The following ENKUR variants were observed in gnomAD, a reference collection of about 807,000 sequenced individuals.
ENKUR encodes enkurin.
ENKUR carries 19 observed loss-of-function variants against 27.6 expected under a neutral mutation model. The observed-to-expected ratio is 0.69, with a 90% CI of 0.48 to 1.01. The LOEUF is 1.01. ENKUR is among the 50% of genes least tolerant of loss of function. ENKUR has a pLI of 0.00. For synonymous variants in ENKUR, 117 were observed against 96.9 expected, an observed-to-expected ratio of 1.21 and a Z score of -1.22; for missense variants, 312 against 310.5, an observed-to-expected ratio of 1.00 and a Z score of -0.04.
chr10:25,020,250 C>CTA (rs1554772141), upstream of ENKUR, among the ~76,000 whole-genome samples: 7 of 133,756 alleles, frequency 5.2e-5, no homozygotes, highest in South Asian at 2.7e-4. Flanking sequence ...ATATCTATAT[C>CTA]TATATCTATA....
At chr10:25,032,595 G>A (rs1324432447) in intron 2 of ENKUR, among the ~76,000 whole-genome samples, 74 of 152,062 alleles carry the variant, frequency 4.9e-4, no homozygotes, top group Non-Finnish European at 1.6e-4. Context: ...CCCACCTCCT[G>A]GTTCAGAAGT....
intron 2 of ENKUR, among the ~76,000 whole-genome samples, chr10:25,054,289 G>A (rs1426246755): frequency 6.6e-6 from 1 of 152,178 alleles, no homozygotes; most frequent in African/African-American, 2.4e-5. Context: ...GGGCGTGGTG[G>A]TGGATGCCTG....
At chr10:25,042,847 C>CAA (rs71399947) in intron 2 of ENKUR, among the ~76,000 whole-genome samples, 58 of 138,214 alleles carry the variant, frequency 4.2e-4, no homozygotes, top group South Asian at 4.1e-3. Flanking sequence ...GAGACTGTCT[C>CAA]AAAAAAAAAA....
intron 3 of ENKUR, among the ~76,000 whole-genome samples, chr10:24,990,868 G>A (rs990258246): frequency 7.0e-6 from 1 of 143,578 alleles, no homozygotes; most frequent in South Asian, 2.1e-4. Flanking sequence ...CTGAGGGGTG[G>A]GGGGGTGGAT....
intron 1 of ENKUR, among the ~76,000 whole-genome samples, chr10:24,999,925 A>C (rs2132696559): frequency 6.6e-6 from 1 of 152,246 alleles, no homozygotes; most frequent in Admixed American, 6.5e-5. Flanking sequence ...CCAGAATTTC[A>C]TTGATTTTCT....
chr10:24,999,521 C>T lies in ENKUR; in HGVS notation c.103G>A (p.Val35Ile). 6.2e-7 allele frequency: 1 copy of T among 1,610,196 alleles called. No homozygotes were observed. The highest frequency in any genetic ancestry group is 8.5e-7 in the Non-Finnish European group (1 of 1,178,874). The change falls in exon 2 of 6, where the codon GTA (valine) becomes ATA (isoleucine). Residue 35 changes from valine (V) to isoleucine (I), a missense_variant. Val to Ile is a conservative substitution (Grantham distance 29). Transcript: ENST00000331161. ...TTAGCTTTTTGCATGTCATCTTTTA[C>T]AGTTGCCTTAAAAATGGATATGTAC... ...PRYISIFKAT[V>I]KDDMQKAKTA... is the part of the protein sequence containing the mutation.
In ENKUR at chr10:24,984,280, G is replaced by T; in HGVS notation, c.*90C>A. 1 of 1,387,898 alleles carries T rather than the reference G, an allele frequency of 7.2e-7. No homozygotes were observed. Among genetic ancestry groups the T allele is most frequent in the Non-Finnish European group, 9.9e-7 (1 of 1,013,252 alleles). 86.0% of individuals were successfully genotyped at this position (1,387,898 alleles called of 1,614,324 possible). On this transcript the variant is annotated 3_prime_UTR_variant, in exon 6 of 6. Transcript: ENST00000331161. Reference sequence around the variant, plus strand: ...TGCATTTGTGGAGCTCAGAAACAATGTGTTGGAGACAGTTTAGAGTAGCAA... The same window carrying T: ...TGCATTTGTGGAGCTCAGAAACAATTTGTTGGAGACAGTTTAGAGTAGCAA...
chr10:25,047,615 T>G lies in ENKUR; in HGVS notation c.37+13497A>C, dbSNP rs566051461. On this transcript the variant is annotated intron_variant, in intron 2 of 5. Transcript: ENST00000615958. ...CAAAGCACAAGTCTAGGTAATAGTTTTATGAATAAGGTAGACTTGCCTGTT... is the reference window on the plus strand; with the variant it reads ...CAAAGCACAAGTCTAGGTAATAGTTGTATGAATAAGGTAGACTTGCCTGTT... Among the ~76,000 whole-genome samples the G allele has an allele frequency of 5.9e-5, 9 of 152,308 alleles. No homozygotes were observed. The East Asian group carries it at 1.7e-3, about 29-fold the overall frequency.
At chr10:25,044,291 G>A (rs1398858058) in intron 2 of ENKUR, among the ~76,000 whole-genome samples, 2 of 152,152 alleles carry the variant, frequency 1.3e-5, no homozygotes, top group African/African-American at 2.4e-5. Flanking sequence ...CTTTATTAGG[G>A]TAGGTATATT....
intron 1 of ENKUR, among the ~76,000 whole-genome samples, chr10:25,007,204 T>C (rs1169952905): frequency 6.6e-6 from 1 of 152,150 alleles, no homozygotes; most frequent in African/African-American, 2.4e-5. Context: ...AATATATTGT[T>C]AGTATTGCTT....
At chr10:25,033,800 T>G (rs1471070169) in intron 2 of ENKUR, among the ~76,000 whole-genome samples, 1 of 150,016 alleles carries the variant, frequency 6.7e-6, no homozygotes, top group East Asian at 1.9e-4. Context: ...GTGTTTAGTA[T>G]GTATGTATGT....
intron 3 of ENKUR, 70 bp downstream of exon 3, chr10:24,995,576 A>T (rs2132686308): frequency 7.6e-7 from 1 of 1,307,458 alleles, no homozygotes; most frequent in African/African-American, 1.5e-5. Flanking sequence ...GATAACATAG[A>T]TGATCATCAT....
At chr10:25,027,357 CAAAAAAAAAAAAAA>C (rs71399946) in intron 2 of ENKUR, among the ~76,000 whole-genome samples, 15 of 48,490 alleles carry the variant, frequency 3.1e-4, no homozygotes, top group African/African-American at 5.4e-4. Flanking sequence ...ACTCCCGTCT[CAAAAAAAAAAAAAA>C]AAAAAAAAAA....
At chr10:25,050,478 C>T (rs1851175229) in intron 2 of ENKUR, among the ~76,000 whole-genome samples, 1 of 152,132 alleles carries the variant, frequency 6.6e-6, no homozygotes, top group Non-Finnish European at 1.5e-5. Flanking sequence ...GGGAACTGCC[C>T]TTTATAAAAC....
intron 2 of ENKUR, among the ~76,000 whole-genome samples, chr10:25,054,231 G>A (rs1851219733): frequency 6.6e-6 from 1 of 152,088 alleles, no homozygotes; most frequent in South Asian, 2.1e-4. Flanking sequence ...GACCAGCCTG[G>A]CCAACATGGT....
intron 1 of ENKUR, among the ~76,000 whole-genome samples, chr10:25,008,115 A>G (rs902706646): frequency 1.3e-5 from 2 of 151,798 alleles, no homozygotes; most frequent in African/African-American, 4.8e-5. Context: ...GCCAGATGAA[A>G]AATACATTCT....
At chr10:25,022,903 A>T (rs1315678708) in intron 2 of ENKUR, among the ~76,000 whole-genome samples, 1 of 152,190 alleles carries the variant, frequency 6.6e-6, no homozygotes, top group East Asian at 1.9e-4. Context: ...CTTTGTGAAT[A>T]CAAGTTTCTG....
chr10:25,031,800 C>CTT (rs34772445), intron 2 of ENKUR, among the ~76,000 whole-genome samples: 14 of 130,180 alleles, frequency 1.1e-4, no homozygotes, highest in South Asian at 4.9e-4. Flanking sequence ...ATACAAAAGT[C>CTT]TTTTTTTTTT....
intron 1 of ENKUR, among the ~76,000 whole-genome samples, chr10:25,014,777 A>G (rs1320141457): frequency 6.6e-6 from 1 of 152,206 alleles, no homozygotes; most frequent in Non-Finnish European, 1.5e-5. Context: ...AGATGTTGAT[A>G]TGCTAATGGA....
Sources: gnomAD v4.1 joint callset for allele counts (sites outside exome capture counted in the v4.1 genomes callset) on GRCh38, gnomAD v4.1.1 for gene constraint, MANE v1.5 for transcripts, NCBI Gene and HGNC (gene_info 2026-07-23, HGNC 2026-07-21) for gene names.